The following CNTNAP5 variants were observed in gnomAD, a reference collection of about 807,000 sequenced individuals.
CNTNAP5 encodes contactin-associated protein-like 5.
In CNTNAP5, 72 loss-of-function variants were observed where a neutral mutation model predicts 150.2. The observed-to-expected ratio is 0.48, with a 90% CI of 0.40 to 0.58. The LOEUF (loss-of-function observed/expected upper bound fraction) is 0.58. Among genes scored for constraint, CNTNAP5 ranks in the 20% least tolerant of loss-of-function variants. The probability of loss-of-function intolerance (pLI) is 0.00; values close to 1 mark genes in which losing one functional copy is unlikely to be tolerated. For missense variants in CNTNAP5, 1,636 were observed against 1,626.2 expected, an observed-to-expected ratio of 1.01 and a Z score of -0.10; for synonymous variants, 672 against 619.8, an observed-to-expected ratio of 1.08 and a Z score of -1.25.
At chr2:124,327,797 T>C (rs1430514645) in intron 3 of CNTNAP5, among the ~76,000 whole-genome samples, 2 of 152,114 alleles carry the variant, frequency 1.3e-5, no homozygotes, top group Admixed American at 1.3e-4. Context: ...ATGTCTCATG[T>C]CTCCCTCAGC....
At position 124,193,493 on chromosome 2, in the gene CNTNAP5, A is replaced by G. The variant is rs112095836; in HGVS notation, c.83-28212A>G. On this transcript the variant is annotated intron_variant, in intron 1 of 23. Transcript: ENST00000682447. ...TGCTCAATAGATGTCTGTTAAATTG[A>G]GGGAAAGTCTGAACAGCAAGCTGTT... 6.1e-3 allele frequency among the ~76,000 whole-genome samples: 929 copies of G among 152,256 alleles called. 3 individuals are homozygous for G. The highest frequency in any genetic ancestry group is 0.021 in the African/African-American group (863 of 41,552).
At chr2:124,744,968 CTTG>C (rs773816951) in intron 13 of CNTNAP5, among the ~76,000 whole-genome samples, 100 of 152,290 alleles carry the variant, frequency 6.6e-4, no homozygotes, top group Middle Eastern at 3.4e-3. Context: ...TTTCTTCTTG[CTTG>C]TTGAGAGTCA....
At position 124,424,596 on chromosome 2, in the gene CNTNAP5, C is replaced by T. The variant is rs1054976375; in HGVS notation, c.529+7006C>T. 2.6e-5 allele frequency among the ~76,000 whole-genome samples: 4 copies of T among 152,164 alleles called. No homozygotes were observed. The East Asian group carries it at 7.7e-4, about 29-fold the overall frequency. ...TTCTATGAAGAGACAAATGTACACA[C>T]ATACATGGAATAACAACACTAAAAT... On this transcript the variant is annotated intron_variant, in intron 4 of 23. Transcript: ENST00000682447.
At chr2:124,468,498 C>T (rs77351279) in intron 6 of CNTNAP5, among the ~76,000 whole-genome samples, 2,614 of 152,022 alleles carry the variant, frequency 0.017, 125 homozygotes, top group East Asian at 0.11. Flanking sequence ...CTAGCAGTTC[C>T]GGCAGTTGAC....
intron 17 of CNTNAP5, among the ~76,000 whole-genome samples, chr2:124,777,160 A>G (rs1331535943): frequency 6.6e-6 from 1 of 151,278 alleles, no homozygotes; most frequent in Non-Finnish European, 1.5e-5. Flanking sequence ...AAAAAAAAAA[A>G]GATGAAGAAC....
chr2:124,170,803 C>T (rs1192953681), intron 1 of CNTNAP5, among the ~76,000 whole-genome samples: 4 of 152,054 alleles, frequency 2.6e-5, no homozygotes, highest in Non-Finnish European at 5.9e-5. Flanking sequence ...AAATGCCCAC[C>T]GAGACAGGTA....
intron 3 of CNTNAP5, among the ~76,000 whole-genome samples, chr2:124,404,186 C>G (rs1258262842): frequency 6.6e-6 from 1 of 152,232 alleles, no homozygotes; most frequent in Non-Finnish European, 1.5e-5. Flanking sequence ...GAGCACCAGA[C>G]TTGCAACAGA....
At chr2:124,775,921 A>G (rs1281403724) in intron 17 of CNTNAP5, among the ~76,000 whole-genome samples, 2 of 152,134 alleles carry the variant, frequency 1.3e-5, no homozygotes, top group East Asian at 3.8e-4. Flanking sequence ...TCGAAGATCC[A>G]ATGGAGAGAT....
intron 10 of CNTNAP5, among the ~76,000 whole-genome samples, chr2:124,527,816 G>T (rs2104890876): frequency 6.6e-6 from 1 of 152,240 alleles, no homozygotes; most frequent in Middle Eastern, 3.4e-3. Context: ...ACTGCTGTGG[G>T]TGTCCTTTCT....
chr2:124,680,971 G>A (rs2105068534), intron 13 of CNTNAP5: 1 of 151,604 alleles, frequency 6.6e-6, no homozygotes, highest in East Asian at 1.9e-4. Context: ...AAGACCAGTG[G>A]ATGACTCTAA....
chr2:124,478,941 G>A (rs554439943), intron 7 of CNTNAP5, among the ~76,000 whole-genome samples: 2 of 152,156 alleles, frequency 1.3e-5, no homozygotes, highest in South Asian at 2.1e-4. Flanking sequence ...CATTCAGCAG[G>A]CATCCTCATT....
In CNTNAP5 at chr2:124,493,457, C is replaced by T. The variant is rs113968697; in HGVS notation, c.1063-10835C>T. Among the ~76,000 whole-genome samples the T allele has an allele frequency of 2.2e-4, 33 of 152,106 alleles. 2 individuals are homozygous for T. The highest frequency in any genetic ancestry group is 7.5e-4 in the African/African-American group (31 of 41,494). Reference sequence around the variant, plus strand: ...CCAGGTTCAAGCGATTCTCCTGCCTCAGCCTCCCTAGTAGCTGGGACTACA... The same window carrying T: ...CCAGGTTCAAGCGATTCTCCTGCCTTAGCCTCCCTAGTAGCTGGGACTACA... On this transcript the variant is annotated intron_variant, in intron 7 of 23. Coordinates refer to ENST00000682447, the MANE Select transcript of CNTNAP5 (RefSeq NM_001367498.1).
At chr2:124,830,989 C>A (rs1682704406) in intron 19 of CNTNAP5, among the ~76,000 whole-genome samples, 1 of 151,970 alleles carries the variant, frequency 6.6e-6, no homozygotes, top group African/African-American at 2.4e-5. Flanking sequence ...AAATCAAAAC[C>A]TCTTGCAATT....
chr2:124,464,092 CCAGGGTTGAA>C (rs1693318858), intron 6 of CNTNAP5, among the ~76,000 whole-genome samples: 1 of 151,880 alleles, frequency 6.6e-6, no homozygotes, highest in African/African-American at 2.4e-5. Context: ...GAGAGAGTGC[CCAGGGTTGAA>C]CAAGAGAGAC....
chr2:124,161,707 C>A (rs2699366), intron 1 of CNTNAP5, among the ~76,000 whole-genome samples: 1 of 151,720 alleles, frequency 6.6e-6, no homozygotes, highest in Admixed American at 6.6e-5. Flanking sequence ...AAATGCAGAT[C>A]AAAAAAAAGA....
intron 17 of CNTNAP5, among the ~76,000 whole-genome samples, chr2:124,785,415 T>TA: frequency 6.6e-6 from 1 of 152,306 alleles, no homozygotes; most frequent in East Asian, 1.9e-4. Flanking sequence ...TTTTGTGTTT[T>TA]AAAAAATTGA....
chr2:124,461,173 C>G (rs1183741914), intron 6 of CNTNAP5, among the ~76,000 whole-genome samples: 1 of 152,082 alleles, frequency 6.6e-6, no homozygotes, highest in Non-Finnish European at 1.5e-5. Flanking sequence ...CATCCCATTA[C>G]TGGGTATATA....
rs3980831 is a variant in CNTNAP5 at position 124,885,549 on chromosome 2, T to TCACACA, written c.3436+15822_3436+15827dup. Among the ~76,000 whole-genome samples, 1,306 of 145,358 alleles carry TCACACA rather than the reference T, an allele frequency of 9.0e-3. 14 individuals are homozygous for TCACACA. Among genetic ancestry groups the TCACACA allele is most frequent in the East Asian group, 0.045 (213 of 4,772 alleles). ...TCTATCTAGCTCCAAAACATTTTCA[T>TCACACA]CACACACACACACACACACACACAC... On this transcript the variant is annotated intron_variant, in intron 21 of 23. Transcript: ENST00000682447.
At chr2:124,809,609 G>C (rs1220459640) in intron 19 of CNTNAP5, among the ~76,000 whole-genome samples, 1 of 151,550 alleles carries the variant, frequency 6.6e-6, no homozygotes, top group Non-Finnish European at 1.5e-5. Context: ...GGCAAACAAT[G>C]AGAAATAACT....
Sources: gnomAD v4.1 joint callset for allele counts (sites outside exome capture counted in the v4.1 genomes callset) on GRCh38, gnomAD v4.1.1 for gene constraint, MANE v1.5 for transcripts, NCBI Gene and HGNC (gene_info 2026-07-23, HGNC 2026-07-21) for gene names.